Variants in PTPRT observed in about 807,000 individuals in gnomAD.
PTPRT encodes the protein receptor-type tyrosine-protein phosphatase T.
A neutral mutation model predicts 176.8 loss-of-function variants in PTPRT; 56 were observed. The observed-to-expected ratio is 0.32, with a 90% confidence interval of 0.26 to 0.40. The LOEUF (loss-of-function observed/expected upper bound fraction) is 0.40. PTPRT is among the 10% of genes least tolerant of loss of function. The pLI is 1.00. For missense variants in PTPRT, 1,540 were observed against 1,908.2 expected (o/e 0.81, Z 3.60); for synonymous variants, 783 against 739.0 (o/e 1.06, Z -0.96).
chr20:42,983,612 G>C (rs1408523917), intron 1 of PTPRT, among the ~76,000 whole-genome samples: 1 of 152,154 alleles, frequency 6.6e-6, no homozygotes, highest in African/African-American at 2.4e-5. Flanking sequence ...CTGGGATCTG[G>C]GGATGCCCAC....
At chr20:43,138,681 C>T (rs2013910408) in intron 1 of PTPRT, among the ~76,000 whole-genome samples, 1 of 152,168 alleles carries the variant, frequency 6.6e-6, no homozygotes. Flanking sequence ...ACTCGCATCT[C>T]CGCCCACTCT....
chr20:42,899,745 T>C (rs1166463327), intron 1 of PTPRT, among the ~76,000 whole-genome samples: 4 of 152,178 alleles, frequency 2.6e-5, no homozygotes, highest in African/African-American at 9.7e-5. Flanking sequence ...TAAATGCTCA[T>C]GAATGAATGA....
intron 1 of PTPRT, among the ~76,000 whole-genome samples, chr20:42,889,712 G>A (rs1001989918): frequency 6.6e-6 from 1 of 152,212 alleles, no homozygotes; most frequent in Non-Finnish European, 1.5e-5. Context: ...TTCAAGGAAT[G>A]CTGCCTAACT....
intron 1 of PTPRT, among the ~76,000 whole-genome samples, chr20:42,897,141 C>T (rs1409437961): frequency 6.6e-6 from 1 of 152,108 alleles, no homozygotes; most frequent in East Asian, 1.9e-4. Context: ...TTTATAAAGT[C>T]ATCCAATGTC....
chr20:42,232,381 C>T (rs1420771377), intron 15 of PTPRT, among the ~76,000 whole-genome samples: 2 of 152,194 alleles, frequency 1.3e-5, no homozygotes, highest in East Asian at 3.9e-4. Context: ...TATGAATCAC[C>T]TGCGACCTTG....
chr20:42,502,337 A>G (rs1054145252), intron 7 of PTPRT, among the ~76,000 whole-genome samples: 2 of 151,436 alleles, frequency 1.3e-5, no homozygotes, highest in Non-Finnish European at 2.9e-5. Flanking sequence ...GCCCCTCCCT[A>G]CAGTATCCAC....
At chr20:42,408,725 A>G (rs2058984942) in intron 9 of PTPRT, among the ~76,000 whole-genome samples, 3 of 152,222 alleles carry the variant, frequency 2.0e-5, no homozygotes, top group Admixed American at 2.0e-4. Flanking sequence ...AAGGAAAAAG[A>G]TTATCTAACT....
chr20:43,036,821 G>A (rs1313908419), intron 1 of PTPRT, among the ~76,000 whole-genome samples: 2 of 152,106 alleles, frequency 1.3e-5, no homozygotes, highest in Non-Finnish European at 2.9e-5. Flanking sequence ...ATACATACCT[G>A]ACTTTTCCTA....
chr20:43,083,318 A>AGG (rs2011490668), intron 1 of PTPRT, among the ~76,000 whole-genome samples: 1 of 78,576 alleles, frequency 1.3e-5, no homozygotes, highest in Non-Finnish European at 2.2e-5. Context: ...CCCACTTCAA[A>AGG]TGTATATATA....
chr20:43,074,379 T>G (rs1433018666), intron 1 of PTPRT, among the ~76,000 whole-genome samples: 1 of 152,254 alleles, frequency 6.6e-6, no homozygotes, highest in Non-Finnish European at 1.5e-5. Context: ...AATCTCAGCA[T>G]TCCATTTCAT....
chr20:42,511,435 G>A (rs1425106750), intron 7 of PTPRT, among the ~76,000 whole-genome samples: 1 of 152,066 alleles, frequency 6.6e-6, no homozygotes, highest in Non-Finnish European at 1.5e-5. Flanking sequence ...AGCCAGGACA[G>A]GACTTTTGTC....
Position 42,239,501 on chromosome 20 carries a change from C to T in PTPRT, c.2313-3243G>A, listed in dbSNP as rs1042141277. Among the ~76,000 whole-genome samples, 13 of 144,902 alleles carry T rather than the reference C, an allele frequency of 9.0e-5. No individual in the cohort carries two copies. The East Asian group carries it at 2.1e-3, about 23-fold the overall frequency. ...AGTGGCGCGTGATCTCGGCTCACTGCAAGCTCCACCTCCCGGGTCCACGCC... is the reference window on the plus strand; with the variant it reads ...AGTGGCGCGTGATCTCGGCTCACTGTAAGCTCCACCTCCCGGGTCCACGCC... On this transcript the variant is annotated intron_variant, in intron 14 of 30. Coordinates refer to ENST00000373187, the MANE Select transcript of PTPRT (RefSeq NM_007050.6).
intron 7 of PTPRT, among the ~76,000 whole-genome samples, chr20:42,560,585 T>C (rs576617962): frequency 1.7e-4 from 26 of 152,308 alleles, no homozygotes; most frequent in African/African-American, 6.0e-4. Flanking sequence ...TACATCTCTA[T>C]AGACGGCCCT....
chr20:43,144,052 G>C (rs2146406210), intron 1 of PTPRT, among the ~76,000 whole-genome samples: 1 of 152,260 alleles, frequency 6.6e-6, no homozygotes, highest in Non-Finnish European at 1.5e-5. Flanking sequence ...CCAGGATGGG[G>C]CACCATACTT....
At chr20:43,050,236 TG>T (rs1986991448) in intron 1 of PTPRT, among the ~76,000 whole-genome samples, 1 of 152,202 alleles carries the variant, frequency 6.6e-6, no homozygotes, top group Non-Finnish European at 1.5e-5. Context: ...GACAAGAGCA[TG>T]GGCACTGCCT....
chr20:42,873,710 G>A (rs1468447908), intron 2 of PTPRT, among the ~76,000 whole-genome samples: 1 of 152,100 alleles, frequency 6.6e-6, no homozygotes, highest in Non-Finnish European at 1.5e-5. Flanking sequence ...AATCTGGTGT[G>A]TAGTTTACAC....
intron 1 of PTPRT, among the ~76,000 whole-genome samples, chr20:42,957,602 G>A (rs1442399882): frequency 6.6e-6 from 1 of 152,142 alleles, no homozygotes; most frequent in African/African-American, 2.4e-5. Flanking sequence ...ACCTAACAGA[G>A]ACAAATGACA....
chr20:42,464,682 C>G (rs1366026851), intron 8 of PTPRT, among the ~76,000 whole-genome samples: 4 of 152,182 alleles, frequency 2.6e-5, no homozygotes, highest in Non-Finnish European at 4.4e-5. Flanking sequence ...TACAGTGATG[C>G]CTTCAGGACT....
At chr20:42,323,988 T>C (rs2057844758) in intron 11 of PTPRT, among the ~76,000 whole-genome samples, 1 of 152,120 alleles carries the variant, frequency 6.6e-6, no homozygotes, top group African/African-American at 2.4e-5. Flanking sequence ...AACATAAAAG[T>C]ACCATTCATC....
Sources: gnomAD v4.1 joint callset for allele counts (sites outside exome capture counted in the v4.1 genomes callset) on GRCh38, gnomAD v4.1.1 for gene constraint, MANE v1.5 for transcripts, NCBI Gene and HGNC (gene_info 2026-07-23, HGNC 2026-07-21) for gene names.